Variants in SPRTN observed in about 807,000 individuals in gnomAD.
SPRTN encodes DNA-dependent metalloprotease SPRTN.
In SPRTN, 11 loss-of-function variants were observed where a neutral mutation model predicts 31.9. That is an observed-to-expected ratio of 0.34 (90% CI 0.22 to 0.57). The LOEUF is 0.57. Ranked by LOEUF, SPRTN falls within the 20% of genes least tolerant of loss-of-function variation. SPRTN has a pLI of 0.86. For synonymous variants in SPRTN, 185 were observed against 212.1 expected, an observed-to-expected ratio of 0.87 and a Z score of 1.11; for missense variants, 482 against 590.1, an observed-to-expected ratio of 0.82 and a Z score of 1.90.
At position 231,353,147 on chromosome 1, in the gene SPRTN, A is replaced by G. The variant is rs756487057; in HGVS notation, c.1256A>G (p.Asn419Ser). ...PRLEDKTVFD[N>S]FFIKKEQIKS... is the part of the protein sequence containing the mutation. ...CTAGAAGATAAGACTGTTTTTGACA[A>G]TTTTTTTATCAAGAAAGAGCAAATA... is the stretch of plus-strand genomic sequence containing the variant. Residue 419 changes from asparagine (N) to serine (S), a missense_variant, in exon 5 of 5, where the codon AAT (asparagine) becomes AGT (serine). Transcript: ENST00000295050. 4 of 1,611,852 alleles carry G rather than the reference A, an allele frequency of 2.5e-6. No homozygotes were observed. The highest frequency in any genetic ancestry group is 1.1e-5 in the South Asian group (1 of 90,628).
intron 2 of SPRTN, among the ~76,000 whole-genome samples, chr1:231,346,653 A>G (rs1687072382): frequency 1.3e-5 from 2 of 152,074 alleles, no homozygotes; most frequent in Admixed American, 1.3e-4. Flanking sequence ...ATAGAATTTT[A>G]AAGTTTTGTC....
At position 231,351,544 on chromosome 1, in the gene SPRTN, G is replaced by A; in HGVS notation, c.691G>A (p.Glu231Lys). ...KGKGKAKLGK[E>K]PVLAAENKDK... ...CAAAGGAAAGGCAAAACTAGGAAAG[G>A]AACCAGTATTGGCCGCAGAGAATAA... Residue 231 changes from glutamate (E) to lysine (K), a missense_variant, in exon 4 of 5, where the codon GAA becomes AAA. Coordinates refer to ENST00000295050, the MANE Select transcript of SPRTN (RefSeq NM_032018.7). 2 of 1,614,102 alleles carry A rather than the reference G, an allele frequency of 1.2e-6. No homozygotes were observed. Among genetic ancestry groups the A allele is most frequent in the Non-Finnish European group, 1.7e-6 (2 of 1,180,024 alleles).
chr1:231,346,825 C>A (rs1225269499), intron 2 of SPRTN, among the ~76,000 whole-genome samples: 1 of 152,002 alleles, frequency 6.6e-6, no homozygotes, highest in African/African-American at 2.4e-5. Context: ...ACCTGTAGTG[C>A]CAGCTACTCA....
chr1:231,342,014 G>C (rs1177827622), intron 2 of SPRTN, among the ~76,000 whole-genome samples: 3 of 152,104 alleles, frequency 2.0e-5, no homozygotes, highest in Admixed American at 1.3e-4. Context: ...CCAGGCCCAA[G>C]CAATCCTCCC....
At chr1:231,351,214 A>AG in intron 3 of SPRTN, 90 bp from the exon 4 acceptor site, 1 of 1,169,472 alleles carries the variant, frequency 8.6e-7, no homozygotes, top group Non-Finnish European at 1.1e-6. Flanking sequence ...TTAAAAAAAA[A>AG]AAAAAAAAAA....
At chr1:231,346,059 C>T (rs1470744131) in intron 2 of SPRTN, among the ~76,000 whole-genome samples, 5 of 152,090 alleles carry the variant, frequency 3.3e-5, no homozygotes, top group Non-Finnish European at 7.3e-5. Context: ...GAGCAATCCT[C>T]CCACCTCAGC....
chr1:231,353,387 A>G lies in SPRTN; in HGVS notation c.*26A>G, dbSNP rs373387621. 18 of 1,543,808 alleles carry G rather than the reference A, an allele frequency of 1.2e-5. No individual in the cohort carries two copies. In the African/African-American group the frequency reaches 2.2e-4, roughly 19 times the overall value. ...AAAAGGTTTCAAAGTCTCAAGTACCACCTGTATTATCTCACTAATGTGCTA... is the reference window on the plus strand; with the variant it reads ...AAAAGGTTTCAAAGTCTCAAGTACCGCCTGTATTATCTCACTAATGTGCTA... On this transcript the variant is annotated 3_prime_UTR_variant, in exon 5 of 5. Transcript: ENST00000295050.
chr1:231,339,918 G>A (rs1163978368), intron 2 of SPRTN, 50 bp downstream of exon 2: 1 of 1,550,380 alleles, frequency 6.5e-7, no homozygotes, highest in South Asian at 1.1e-5. Context: ...ACAAATACTT[G>A]TCAATGATTT....
rs1687334383 is a variant in SPRTN, at chr1:231,354,431, T to C, written c.*1070T>C. The C allele has an allele frequency of 1.0e-6, 1 of 970,346 alleles. No homozygotes were observed. The highest frequency in any genetic ancestry group is 1.8e-5 in the African/African-American group (1 of 57,022). The allele number at this position is 970,346 out of a possible 1,614,324, so 60.1% of individuals were successfully genotyped here. On this transcript the variant is annotated 3_prime_UTR_variant, in exon 5 of 5. Transcript: ENST00000295050. Reference sequence around the variant, plus strand: ...CTTTGTTGTAATACAGGTGCACAAATCTTAAGTGCACAGCTGGGTAAACTT... The same window carrying C: ...CTTTGTTGTAATACAGGTGCACAAACCTTAAGTGCACAGCTGGGTAAACTT...
chr1:231,340,044 T>C (rs1172028641), intron 2 of SPRTN, 176 bp downstream of exon 2: 7 of 403,528 alleles, frequency 1.7e-5, no homozygotes, highest in Non-Finnish European at 2.9e-5. Flanking sequence ...TAGTGCTTCA[T>C]AGTAAAAAAA....
intron 2 of SPRTN, among the ~76,000 whole-genome samples, chr1:231,346,242 G>A (rs1452948463): frequency 8.0e-5 from 11 of 137,388 alleles, no homozygotes; most frequent in Non-Finnish European, 1.7e-4. Flanking sequence ...AGGCTGGAGT[G>A]CAGTGGTGCA....
chr1:231,353,939 A>AAC lies in SPRTN; in HGVS notation c.*580_*581dup. The AAC allele has an allele frequency of 1.1e-6, 1 of 934,684 alleles. No homozygotes were observed. The highest frequency in any genetic ancestry group is 1.3e-6 in the Non-Finnish European group (1 of 783,650). 57.9% of individuals were successfully genotyped at this position (934,684 alleles called of 1,614,324 possible). A position where few individuals can be genotyped will look rare whatever the true frequency, so the allele number is the denominator to read the frequency against. On this transcript the variant is annotated 3_prime_UTR_variant, in exon 5 of 5. Coordinates refer to ENST00000295050, the MANE Select transcript of SPRTN (RefSeq NM_032018.7). ...AATTTTATTTGTCCCACTTTTACTA[A>AAC]ACAGTGGCAGCAGATTTTAAGTTAA...
chr1:231,339,855 A>G lies in SPRTN; in HGVS notation c.308A>G (p.Lys103Arg), dbSNP rs201683566. 2.4e-5 allele frequency: 39 copies of G among 1,614,160 alleles called. No individual in the cohort carries two copies. In the East Asian group the frequency reaches 8.2e-4, roughly 34 times the overall value. ...SEPLLKLRPR[K>R]DLVETLLHEM... The stretch of plus-strand genomic sequence containing the variant: ...CCCCTTTTGAAGTTGAGGCCAAGAA[A>G]GGATCTTGTAGAGGTATTTTTCGTG... Residue 103 changes from lysine to arginine, a missense_variant, in exon 2 of 5, where the codon AAG becomes AGG. By Grantham distance (26) the Lys-to-Arg change is conservative. Around this residue, in one of 2 missense-constraint regions of SPRTN, gnomAD observed 157 missense variants for 239.9 expected, o/e 0.65. Coordinates refer to ENST00000295050, the MANE Select transcript of SPRTN (RefSeq NM_032018.7).
Position 231,342,739 on chromosome 1 carries a change from A to T in SPRTN, c.321+2871A>T, listed in dbSNP as rs1184215367. Among the ~76,000 whole-genome samples, 40 of 130,702 alleles carry T rather than the reference A, an allele frequency of 3.1e-4. No individual in the cohort carries two copies. In the East Asian group the frequency reaches 6.3e-3, roughly 20 times the overall value. The allele number at this position is 130,702 out of a possible 152,430, so 85.7% of individuals were successfully genotyped here. A position where few individuals can be genotyped will look rare whatever the true frequency, so the allele number is the denominator to read the frequency against. On this transcript the variant is annotated intron_variant, in intron 2 of 4. Transcript: ENST00000295050. ...ACCATGCCCGGCCAGGACTATATTT[A>T]TTTATTTTTTTTTTGAGATGGAGTC...
intron 2 of SPRTN, among the ~76,000 whole-genome samples, chr1:231,344,379 C>T (rs1234757591): frequency 2.0e-5 from 3 of 152,058 alleles, no homozygotes; most frequent in African/African-American, 7.2e-5. Flanking sequence ...TGGTGACATG[C>T]GCCTGTAATC....
intron 1 of SPRTN, among the ~76,000 whole-genome samples, chr1:231,339,175 G>A (rs1176101245): frequency 1.3e-5 from 2 of 152,170 alleles, no homozygotes; most frequent in African/African-American, 4.8e-5. Context: ...AGATACAGTT[G>A]TATCCCAGCA....
At chr1:231,346,873 C>T (rs1687078214) in intron 2 of SPRTN, among the ~76,000 whole-genome samples, 1 of 151,660 alleles carries the variant, frequency 6.6e-6, no homozygotes, top group South Asian at 2.1e-4. Context: ...ACCGAGGAGG[C>T]AGAGCTTGCA....
At chr1:231,340,329 T>C (rs1325216679) in intron 2 of SPRTN, among the ~76,000 whole-genome samples, 1 of 152,178 alleles carries the variant, frequency 6.6e-6, no homozygotes, top group Non-Finnish European at 1.5e-5. Context: ...ATCGCGCCAC[T>C]GCACTCCAGC....
chr1:231,354,835 G>A lies in SPRTN; in HGVS notation c.*1474G>A, dbSNP rs1687345273. 5.8e-6 allele frequency: 1 copy of A among 171,232 alleles called. No individual in the cohort carries two copies. Among genetic ancestry groups the A allele is most frequent in the Admixed American group, 6.5e-5 (1 of 15,284 alleles). The allele number at this position is 171,232 out of a possible 1,614,324, so 10.6% of individuals were successfully genotyped here. A position where few individuals can be genotyped will look rare whatever the true frequency, so the allele number is the denominator to read the frequency against. Reference sequence around the variant, plus strand: ...CAGGAATGGAATTGCTGAGTCACGGGGTATATTTCTGTTTAGCTTTAGTAA... The same window carrying A: ...CAGGAATGGAATTGCTGAGTCACGGAGTATATTTCTGTTTAGCTTTAGTAA... On this transcript the variant is annotated 3_prime_UTR_variant, in exon 5 of 5. Coordinates refer to ENST00000295050, the MANE Select transcript of SPRTN (RefSeq NM_032018.7).
Sources: gnomAD v4.1 joint callset for allele counts (sites outside exome capture counted in the v4.1 genomes callset) on GRCh38, gnomAD v4.1.1 for gene constraint, gnomAD v4.1.1 regional missense constraint, MANE v1.5 for transcripts, NCBI Gene and HGNC (gene_info 2026-07-23, HGNC 2026-07-21) for gene names.